GRM8: variants seen among roughly 807,000 people sequenced by gnomAD.
The protein encoded by GRM8 is glutamate metabotropic receptor 8.
In GRM8, 47 loss-of-function variants were observed where a neutral mutation model predicts 87.2. The ratio of observed to expected loss-of-function variants is 0.54; its 90% CI spans 0.43 to 0.69. The LOEUF (loss-of-function observed/expected upper bound fraction) is 0.69, where lower values mean the gene tolerates loss of function less well. Ranked by LOEUF, GRM8 falls within the 30% of genes least tolerant of loss-of-function variation. The pLI is 0.00. For missense variants in GRM8, 1,019 were observed against 1,139.2 expected (o/e 0.89, Z 1.52); for synonymous variants, 396 against 404.5 (o/e 0.98, Z 0.25).
chr7:126,605,240 C>T (rs1266948028), intron 8 of GRM8, among the ~76,000 whole-genome samples: 1 of 152,144 alleles, frequency 6.6e-6, no homozygotes, highest in Non-Finnish European at 1.5e-5. Context: ...TAAGGACCAC[C>T]TGTCTCTTGA....
chr7:126,885,226 G>A (rs191145118), intron 6 of GRM8, among the ~76,000 whole-genome samples: 6 of 152,262 alleles, frequency 3.9e-5, no homozygotes, highest in African/African-American at 1.4e-4. Flanking sequence ...GCAGAACCAC[G>A]CTGGCTTTAC....
intron 3 of GRM8, among the ~76,000 whole-genome samples, chr7:127,011,759 C>T (rs2132114076): frequency 6.6e-6 from 1 of 152,234 alleles, no homozygotes; most frequent in Non-Finnish European, 1.5e-5. Context: ...GATTACAAGA[C>T]TTCCTTCATA....
At chr7:126,932,377 T>C (rs1286641189) in intron 3 of GRM8, among the ~76,000 whole-genome samples, 5 of 152,178 alleles carry the variant, frequency 3.3e-5, no homozygotes, top group Non-Finnish European at 7.4e-5. Flanking sequence ...AGGATGTATT[T>C]TTAGCTGACA....
At chr7:126,942,103 G>A (rs1464874055) in intron 3 of GRM8, among the ~76,000 whole-genome samples, 2 of 152,148 alleles carry the variant, frequency 1.3e-5, no homozygotes, top group African/African-American at 2.4e-5. Flanking sequence ...AAAGAATCAG[G>A]CAGGAAAACT....
At chr7:127,004,100 T>C (rs1435457142) in intron 3 of GRM8, among the ~76,000 whole-genome samples, 1 of 151,744 alleles carries the variant, frequency 6.6e-6, no homozygotes, top group Non-Finnish European at 1.5e-5. Context: ...CAATCAATAG[T>C]TGCAATTATG....
At chr7:126,456,519 T>TAAAAAAA (rs513) in intron 9 of GRM8, among the ~76,000 whole-genome samples, 2,291 of 69,152 alleles carry the variant, frequency 0.033, 153 homozygotes, top group Non-Finnish European at 0.037. Context: ...AGCAGCAAGC[T>TAAAAAAA]AAAAAAAAAA....
At chr7:127,047,245 G>A (rs1819017555) in intron 3 of GRM8, among the ~76,000 whole-genome samples, 1 of 152,066 alleles carries the variant, frequency 6.6e-6, no homozygotes, top group South Asian at 2.1e-4. Flanking sequence ...GAAACCATAT[G>A]GCCCACAAAG....
chr7:127,015,248 AAGAAGAAGAAGAAAAGAGAG>A lies in GRM8; in HGVS notation c.727+91228_727+91247del, dbSNP rs1815525650. 3.2e-5 allele frequency among the ~76,000 whole-genome samples: 4 copies of A among 125,406 alleles called. No homozygotes were observed. In the Admixed American group the frequency reaches 3.5e-4, roughly 11 times the overall value. The allele number at this position is 125,406 out of a possible 152,430, so 82.3% of individuals were successfully genotyped here. ...GAAGAAGAAGAAGAAGAAGAAGAAG[AAGAAGAAGAAGAAAAGAGAG>A]AGAGAGAGAGAGAGAGAATGAACAT... On this transcript the variant is annotated intron_variant, in intron 3 of 10. Transcript: ENST00000339582.
intron 9 of GRM8, among the ~76,000 whole-genome samples, chr7:126,519,173 T>G (rs1234934072): frequency 6.6e-6 from 1 of 152,084 alleles, no homozygotes; most frequent in Non-Finnish European, 1.5e-5. Flanking sequence ...GATGATCTCT[T>G]CCTGAGGAAT....
rs71177562 is a variant in GRM8, at chr7:126,496,970, ATT to A, written c.2430+35980_2430+35981del. ...TTCATAATAAGAGAATGAGTTTTGG[ATT>A]TTTTTTTTTTTTTTGCTGCTGCTGT... On this transcript the variant is annotated intron_variant, in intron 9 of 10. Transcript: ENST00000339582. Among the ~76,000 whole-genome samples the A allele has an allele frequency of 4.9e-3, 707 of 142,998 alleles. 5 individuals are homozygous for A. Among genetic ancestry groups the A allele is most frequent in the African/African-American group, 0.017 (678 of 38,932 alleles). 93.8% of individuals were successfully genotyped at this position (142,998 alleles called of 152,430 possible). A position where few individuals can be genotyped will look rare whatever the true frequency, so the allele number is the denominator to read the frequency against.
intron 2 of GRM8, among the ~76,000 whole-genome samples, chr7:127,148,270 A>G (rs138671916): frequency 3.3e-5 from 5 of 152,160 alleles, no homozygotes; most frequent in East Asian, 1.9e-4. Flanking sequence ...CAATTCATCA[A>G]GAGGACATGG....
chr7:126,533,259 A>AGGAGCTGGAC lies in GRM8; in HGVS notation c.2113_2122dup (p.Leu708ArgfsTer20), dbSNP rs761170737. The stretch of plus-strand genomic sequence containing the variant: ...CACAACAAACCAGACAAACACTCCA[A>AGGAGCTGGAC]GGAGCTGGACGGAGATGAGGCTGAA... On this transcript the variant is annotated frameshift_variant, in exon 9 of 11. Transcript: ENST00000339582. LOFTEE classifies it high-confidence loss of function. 6.2e-7 allele frequency: 1 copy of AGGAGCTGGAC among 1,613,704 alleles called. No homozygotes were observed. The highest frequency in any genetic ancestry group is 8.5e-7 in the Non-Finnish European group (1 of 1,179,920).
intron 2 of GRM8, among the ~76,000 whole-genome samples, chr7:127,214,277 G>C (rs1343126599): frequency 1.3e-5 from 2 of 152,212 alleles, no homozygotes; most frequent in African/African-American, 4.8e-5. Flanking sequence ...TTTATGAGAT[G>C]CTGGTAATGT....
At chr7:126,805,483 T>C (rs2151721582) in intron 6 of GRM8, among the ~76,000 whole-genome samples, 1 of 152,060 alleles carries the variant, frequency 6.6e-6, no homozygotes, top group Non-Finnish European at 1.5e-5. Flanking sequence ...TGAATAGTCT[T>C]TGTTATTCCC....
intron 6 of GRM8, among the ~76,000 whole-genome samples, chr7:126,846,900 G>A (rs1344261198): frequency 2.0e-5 from 3 of 151,882 alleles, no homozygotes; most frequent in African/African-American, 4.8e-5. Flanking sequence ...TTCCTACCCT[G>A]GTATTTTTCC....
At position 126,609,511 on chromosome 7, in the gene GRM8, A is replaced by C. The variant is rs1481802562; in HGVS notation, c.1358-13T>G. 1 of 1,602,442 alleles carries C rather than the reference A, an allele frequency of 6.2e-7. No individual in the cohort carries two copies. The highest frequency in any genetic ancestry group is 1.3e-5 in the African/African-American group (1 of 74,416). On this transcript the variant is annotated splice_polypyrimidine_tract_variant and intron_variant, in intron 7 of 10. Transcript: ENST00000339582. ...GTGCCAGCACTGCCTATAAAGATTT[A>C]GAAAACAATGTTAATAAAGTTTTAG...
chr7:126,657,422 C>G (rs190715755), intron 7 of GRM8, among the ~76,000 whole-genome samples: 1 of 152,092 alleles, frequency 6.6e-6, no homozygotes, highest in East Asian at 1.9e-4. Flanking sequence ...ACAACCCCCC[C>G]CCAAAAAAGT....
At chr7:126,602,072 C>T (rs1288737427) in intron 8 of GRM8, among the ~76,000 whole-genome samples, 10 of 126,906 alleles carry the variant, frequency 7.9e-5, no homozygotes, top group Non-Finnish European at 1.4e-4. Flanking sequence ...TTAGGTCTAA[C>T]GTTTAAATCT....
chr7:126,798,245 C>T lies in GRM8; in HGVS notation c.1157-28180G>A, dbSNP rs112855955. ...CCCAAAGCAGATTCAAAGTGTATAACTCAGGATTAAGAAAAAAGGCTTCAA... is the reference window on the plus strand; with the variant it reads ...CCCAAAGCAGATTCAAAGTGTATAATTCAGGATTAAGAAAAAAGGCTTCAA... On this transcript the variant is annotated intron_variant, in intron 6 of 10. Transcript: ENST00000339582. 8.6e-3 allele frequency among the ~76,000 whole-genome samples: 1,306 copies of T among 151,960 alleles called. 10 individuals are homozygous for T. The highest frequency in any genetic ancestry group is 0.029 in the African/African-American group (1,218 of 41,450).
Sources: allele counts gnomAD v4.1 joint callset (sites outside exome capture counted in the v4.1 genomes callset), GRCh38; gene constraint gnomAD v4.1.1; transcripts MANE v1.5; gene names NCBI Gene and HGNC (gene_info 2026-07-23, HGNC 2026-07-21).